Variants in MAST4 observed in about 807,000 individuals in gnomAD.
MAST4 encodes microtubule associated serine/threonine kinase family member 4.
In MAST4, 89 loss-of-function variants were observed where a neutral mutation model predicts 162.7. That is an observed-to-expected ratio of 0.55 (90% CI 0.46 to 0.65). The LOEUF (loss-of-function observed/expected upper bound fraction) is 0.65, where lower values mean the gene tolerates loss of function less well. Among genes scored for constraint, MAST4 ranks in the 30% least tolerant of loss-of-function variants. The pLI is 0.00. For synonymous variants in MAST4, 1,479 were observed against 1,361.1 expected (o/e 1.09, Z -1.91); for missense variants, 3,153 against 3,374.0 (o/e 0.93, Z 1.62).
intron 4 of MAST4, among the ~76,000 whole-genome samples, chr5:67,026,046 A>G (rs1250845809): frequency 1.3e-5 from 2 of 152,224 alleles, no homozygotes; most frequent in African/African-American, 4.8e-5. Flanking sequence ...AATCTTTGAA[A>G]TACAAAAAAG....
chr5:66,775,897 A>G (rs192701892), intron 2 of MAST4, among the ~76,000 whole-genome samples: 14 of 152,274 alleles, frequency 9.2e-5, no homozygotes, highest in Middle Eastern at 3.4e-3. Context: ...TCATTGATCA[A>G]TATTGACAAG....
Position 67,136,548 on chromosome 5 carries a change from T to G in MAST4, c.2393-15T>G, listed in dbSNP as rs1224940547. ...TGTGAACAATATGGTTATAAACAAC[T>G]TTTCTTCCTTCTAGATGAGATCAAC... On this transcript the variant is annotated splice_polypyrimidine_tract_variant and intron_variant, in intron 18 of 28. Transcript: ENST00000403625. 6.3e-7 allele frequency: 1 copy of G among 1,578,098 alleles called. No homozygotes were observed.
chr5:67,064,683 G>A (rs942636940), intron 5 of MAST4, among the ~76,000 whole-genome samples: 7 of 152,204 alleles, frequency 4.6e-5, no homozygotes, highest in Non-Finnish European at 8.8e-5. Context: ...AGTTGCCAAG[G>A]TGAGACTGAT....
intron 4 of MAST4, among the ~76,000 whole-genome samples, chr5:67,048,876 T>A (rs1487715324): frequency 6.6e-6 from 1 of 150,776 alleles, no homozygotes; most frequent in East Asian, 1.9e-4. Context: ...ACTGTTAATT[T>A]CTTTTGTACA....
At chr5:66,873,115 A>G (rs1761058273) in intron 3 of MAST4, among the ~76,000 whole-genome samples, 1 of 152,198 alleles carries the variant, frequency 6.6e-6, no homozygotes, top group African/African-American at 2.4e-5. Context: ...CACAGAGAAG[A>G]TGTCTGTTGC....
At chr5:66,992,185 G>A (rs1750137238) in intron 4 of MAST4, among the ~76,000 whole-genome samples, 1 of 152,038 alleles carries the variant, frequency 6.6e-6, no homozygotes, top group Admixed American at 6.6e-5. Flanking sequence ...TTTTTCTGTT[G>A]TTTTTTCATG....
intron 25 of MAST4, 126 bp downstream of exon 25, chr5:67,152,992 C>A: frequency 1.3e-6 from 1 of 755,214 alleles, no homozygotes; most frequent in Non-Finnish European, 2.2e-6. Context: ...TTTCATTTTC[C>A]TTTTAGAGCT....
At chr5:66,837,892 ATATTTTTT>A (rs1561368916) in intron 3 of MAST4, among the ~76,000 whole-genome samples, 8 of 35,024 alleles carry the variant, frequency 2.3e-4, no homozygotes, top group African/African-American at 3.3e-4. Context: ...ATATATATAT[ATATTTTTT>A]TTTTTTTTTT....
At position 66,875,687 on chromosome 5, in the gene MAST4, C is replaced by CGG. The variant is rs1761248472; in HGVS notation, c.643-24264_643-24263insGG. On this transcript the variant is annotated intron_variant, in intron 3 of 28. Transcript: ENST00000403625. ...TTTTTTCCCCTCATTTGTAAATAAG[C>CGG]AGTTAGTACCACATGATTGTTGAGG... Among the ~76,000 whole-genome samples the CGG allele has an allele frequency of 2.0e-5, 3 of 152,222 alleles. No individual in the cohort carries two copies. The East Asian group carries it at 5.8e-4, about 29-fold the overall frequency.
chr5:66,821,834 G>A (rs1757010280), intron 3 of MAST4, among the ~76,000 whole-genome samples: 1 of 152,146 alleles, frequency 6.6e-6, no homozygotes. Flanking sequence ...AGCCAGGAAG[G>A]TAGCTGAGCA....
chr5:66,897,174 C>G (rs1762735363), intron 3 of MAST4, among the ~76,000 whole-genome samples: 1 of 151,864 alleles, frequency 6.6e-6, no homozygotes, highest in Non-Finnish European at 1.5e-5. Context: ...GCTTTTTTCC[C>G]TTTTTCTTTC....
intron 1 of MAST4, among the ~76,000 whole-genome samples, chr5:66,653,436 C>G (rs1052647028): frequency 2.6e-5 from 4 of 152,162 alleles, no homozygotes; most frequent in Non-Finnish European, 5.9e-5. Flanking sequence ...TGGGCCAGCC[C>G]CCTCACAGTG....
intron 4 of MAST4, among the ~76,000 whole-genome samples, chr5:67,041,467 G>T (rs113835072): frequency 1.1e-3 from 172 of 152,286 alleles, no homozygotes; most frequent in Non-Finnish European, 1.8e-3. Context: ...CAGGGATAAA[G>T]ACCAAATATT....
chr5:67,083,125 G>A (rs902312516), intron 5 of MAST4, among the ~76,000 whole-genome samples: 5 of 152,184 alleles, frequency 3.3e-5, no homozygotes, highest in African/African-American at 9.7e-5. Context: ...GAACTGAAAA[G>A]TCAGAATTCT....
chr5:66,949,766 T>G (rs1580983170), intron 4 of MAST4, among the ~76,000 whole-genome samples: 1 of 152,196 alleles, frequency 6.6e-6, no homozygotes, highest in South Asian at 2.1e-4. Flanking sequence ...CTGATTTAAT[T>G]TACTTTTAAT....
intron 1 of MAST4, among the ~76,000 whole-genome samples, chr5:66,643,779 TTTAAATGCAAATGGAAAA>T (rs1241378540): frequency 6.6e-6 from 1 of 152,116 alleles, no homozygotes; most frequent in Non-Finnish European, 1.5e-5. Flanking sequence ...CATGATTAAG[TTTAAATGCAAATGGAAAA>T]TCCATTTGCA....
chr5:66,871,705 AGAC>A (rs1379197383), intron 3 of MAST4, among the ~76,000 whole-genome samples: 2 of 152,190 alleles, frequency 1.3e-5, no homozygotes, highest in African/African-American at 2.4e-5. Flanking sequence ...AAATTTTTCC[AGAC>A]GACAGTTCCA....
chr5:66,750,635 T>A (rs1012075737), intron 1 of MAST4, among the ~76,000 whole-genome samples: 5 of 152,196 alleles, frequency 3.3e-5, no homozygotes, highest in Non-Finnish European at 7.4e-5. Flanking sequence ...CACCTGGCTC[T>A]GAGGGTCCTA....
At chr5:66,628,613 A>T (rs1449401583) in intron 1 of MAST4, among the ~76,000 whole-genome samples, 1 of 152,118 alleles carries the variant, frequency 6.6e-6, no homozygotes, top group Admixed American at 6.5e-5. Context: ...AACTTGCCCC[A>T]GCAAAGGGAA....
Sources: gnomAD v4.1 joint callset for allele counts (sites outside exome capture counted in the v4.1 genomes callset) on GRCh38, gnomAD v4.1.1 for gene constraint, MANE v1.5 for transcripts, NCBI Gene and HGNC (gene_info 2026-07-23, HGNC 2026-07-21) for gene names.